The following ACO2 variants were observed in gnomAD, a reference collection of about 807,000 sequenced individuals.
The protein encoded by ACO2 is aconitate hydratase, mitochondrial.
ACO2 carries 31 observed loss-of-function variants against 84.5 expected under a neutral mutation model. That is an observed-to-expected ratio of 0.37 (90% confidence interval 0.28 to 0.50). The LOEUF is 0.50. Ranked by LOEUF, ACO2 falls within the 20% of genes least tolerant of loss-of-function variation. ACO2 has a pLI of 0.97. For synonymous variants in ACO2, 414 were observed against 412.7 expected, an observed-to-expected ratio of 1.00 and a Z score of -0.04; for missense variants, 685 against 1,029.3, an observed-to-expected ratio of 0.67 and a Z score of 4.58.
intron 12 of ACO2, among the ~76,000 whole-genome samples, chr22:41,524,597 ACTGCCGGCCCGGCC>A: frequency 6.6e-6 from 1 of 152,308 alleles, no homozygotes; most frequent in South Asian, 2.1e-4. Context: ...AGAGAACAGC[ACTGCCGGCCCGGCC>A]CTGCAGGGAT....
At chr22:41,527,580 T>G in intron 16 of ACO2, 160 bp downstream of exon 16, 1 of 1,050,190 alleles carries the variant, frequency 9.5e-7, no homozygotes, top group Non-Finnish European at 1.3e-6. Flanking sequence ...ACAGTGCACA[T>G]CCGACGCTCA....
intron 1 of ACO2, among the ~76,000 whole-genome samples, chr22:41,488,370 GGT>G (rs2066247119): frequency 6.6e-6 from 1 of 152,132 alleles, no homozygotes; most frequent in Non-Finnish European, 1.5e-5. Flanking sequence ...ACTGCTCTGT[GGT>G]GTCCAAATGT....
chr22:41,499,972 GTCAAGGTAT>G, intron 2 of ACO2, 110 bp downstream of exon 2: 1 of 1,405,396 alleles, frequency 7.1e-7, no homozygotes. Context: ...TAGTGGCAGG[GTCAAGGTAT>G]TCAAGGTACA....
chr22:41,501,693 C>T (rs2066354801), intron 2 of ACO2, among the ~76,000 whole-genome samples: 1 of 152,060 alleles, frequency 6.6e-6, no homozygotes, highest in Non-Finnish European at 1.5e-5. Context: ...AGGAACCTGC[C>T]CACAACCATG....
At chr22:41,477,625 A>G (rs1569000395) in intron 1 of ACO2, among the ~76,000 whole-genome samples, 1 of 152,236 alleles carries the variant, frequency 6.6e-6, no homozygotes, top group Non-Finnish European at 1.5e-5. Context: ...CTCACAGGGT[A>G]GTCGTGGGAT....
At chr22:41,501,544 T>C (rs559572632) in intron 2 of ACO2, among the ~76,000 whole-genome samples, 1 of 152,292 alleles carries the variant, frequency 6.6e-6, no homozygotes, top group East Asian at 1.9e-4. Flanking sequence ...GAAGTTTGCT[T>C]TGATTGATTG....
chr22:41,515,902 T>TC lies in ACO2; in HGVS notation c.822dup (p.Ile275HisfsTer46), dbSNP rs1188048436. On this transcript the variant is annotated frameshift_variant, in exon 6 of 18. Transcript: ENST00000216254. LOFTEE classifies it high-confidence loss of function. The surrounding 1 kb of genome is among the most constrained non-coding windows in gnomAD (Gnocchi z 5.8). Reference sequence around the variant, plus strand: ...GGAATACCACGGGCCTGGTGTAGACTCCATCTCCTGCACTGGTGAGGAAGG... The same window carrying TC: ...GGAATACCACGGGCCTGGTGTAGACTCCCATCTCCTGCACTGGTGAGGAAGG... The TC allele has an allele frequency of 2.5e-6, 4 of 1,613,720 alleles. No individual in the cohort carries two copies. The highest frequency in any genetic ancestry group is 1.3e-5 in the African/African-American group (1 of 74,856).
chr22:41,521,775 AC>A (rs1471129742), intron 9 of ACO2, among the ~76,000 whole-genome samples: 1 of 149,352 alleles, frequency 6.7e-6, no homozygotes, highest in Non-Finnish European at 1.5e-5. Context: ...AGTAATCCCA[AC>A]CCTTTTTTTT....
chr22:41,516,371 C>A (rs1249222334), intron 6 of ACO2, among the ~76,000 whole-genome samples: 2 of 152,238 alleles, frequency 1.3e-5, no homozygotes, highest in Admixed American at 6.5e-5. Flanking sequence ...GATTAGAGAT[C>A]GGTGCCTGTC....
chr22:41,523,796 G>A, intron 11 of ACO2, 34 bp from the exon 12 acceptor site: 1 of 1,585,348 alleles, frequency 6.3e-7, no homozygotes, highest in Non-Finnish European at 8.7e-7. Context: ...GACAAGGCCA[G>A]ATATCCCTAA....
At chr22:41,521,056 A>AG (rs898596493) in intron 9 of ACO2, among the ~76,000 whole-genome samples, 29 of 147,052 alleles carry the variant, frequency 2.0e-4, no homozygotes, top group South Asian at 4.2e-4. Context: ...AAAAAAAAAA[A>AG]AAAGAAAGAA....
chr22:41,526,972 G>C, intron 15 of ACO2: 1 of 453,040 alleles, frequency 2.2e-6, no homozygotes, highest in Non-Finnish European at 4.0e-6. Context: ...TCTTGTGTGG[G>C]GCCCGGAGGC....
chr22:41,499,379 C>G (rs1002811570), intron 1 of ACO2, among the ~76,000 whole-genome samples: 1 of 152,178 alleles, frequency 6.6e-6, no homozygotes, highest in African/African-American at 2.4e-5. Flanking sequence ...TTAACCTTCC[C>G]AGTACCCCGT....
rs1191366420 is a variant in ACO2 at position 41,523,841 on chromosome 22, A to G, written c.1382A>G (p.Lys461Arg). 1.2e-6 allele frequency: 2 copies of G among 1,612,180 alleles called. No individual in the cohort carries two copies. Among genetic ancestry groups the G allele is most frequent in the Non-Finnish European group, 1.7e-6 (2 of 1,179,972 alleles). Residue 461 changes from lysine to arginine, a missense_variant, in exon 12 of 18, where the codon AAG (lysine) becomes AGG (arginine). This residue lies in a region of ACO2 where 311 missense variants were observed against 441.6 expected (regional missense o/e 0.70). Coordinates refer to ENST00000216254, the MANE Select transcript of ACO2 (RefSeq NM_001098.3). ...CTCTGACCTGGCAGGAAGGACATCA[A>G]GAAGGGGGAGAAGAACACAATCGTC... The part of the protein sequence containing the change: ...CIGQWDRKDI[K>R]KGEKNTIVTS...
intron 2 of ACO2, among the ~76,000 whole-genome samples, chr22:41,503,042 A>G (rs2066364673): frequency 6.6e-6 from 1 of 152,234 alleles, no homozygotes; most frequent in South Asian, 2.1e-4. Context: ...CACTGTGCCC[A>G]GCAAGAGGTT....
chr22:41,524,032 G>T, intron 12 of ACO2, 91 bp downstream of exon 12: 1 of 1,124,202 alleles, frequency 8.9e-7, no homozygotes, highest in Non-Finnish European at 1.3e-6. Context: ...GGGGACTGGG[G>T]TCATCCAAGT....
intron 9 of ACO2, 125 bp downstream of exon 9, chr22:41,520,401 T>C: frequency 1.4e-6 from 1 of 691,920 alleles, no homozygotes; most frequent in East Asian, 2.9e-5. Context: ...GAAATGGGTT[T>C]ATTATTGAAA....
At chr22:41,499,090 T>C (rs1464242259) in intron 1 of ACO2, among the ~76,000 whole-genome samples, 2 of 135,684 alleles carry the variant, frequency 1.5e-5, no homozygotes, top group Non-Finnish European at 3.1e-5. Context: ...AGACTCCGTC[T>C]CAAAAAAAAA....
chr22:41,522,107 T>C (rs987142779), intron 9 of ACO2, among the ~76,000 whole-genome samples: 57 of 152,144 alleles, frequency 3.7e-4, no homozygotes, highest in African/African-American at 1.3e-3. Flanking sequence ...GGCAGGAGGA[T>C]CATTTGATCC....
Sources: gnomAD v4.1 joint callset for allele counts (sites outside exome capture counted in the v4.1 genomes callset) on GRCh38, gnomAD v4.1.1 for gene constraint, gnomAD v4.1.1 regional missense constraint, Gnocchi (gnomAD v3.1) non-coding constraint, MANE v1.5 for transcripts, NCBI Gene and HGNC (gene_info 2026-07-23, HGNC 2026-07-21) for gene names.